The following FBXO3 variants were observed in gnomAD, a reference collection of about 807,000 sequenced individuals.
FBXO3 encodes the protein F-box only protein 3.
A neutral mutation model predicts 64.8 loss-of-function variants in FBXO3; 17 were observed. The ratio of observed to expected loss-of-function variants is 0.26; its 90% CI spans 0.18 to 0.39. The LOEUF (loss-of-function observed/expected upper bound fraction) is 0.39. FBXO3 is among the 10% of genes least tolerant of loss of function. The probability of loss-of-function intolerance (pLI) is 1.00; values close to 1 mark genes in which losing one functional copy is unlikely to be tolerated. For missense variants in FBXO3, 420 were observed against 589.9 expected, an observed-to-expected ratio of 0.71 and a Z score of 2.98; for synonymous variants, 182 against 201.6, an observed-to-expected ratio of 0.90 and a Z score of 0.82.
intron 3 of FBXO3, among the ~76,000 whole-genome samples, chr11:33,761,474 A>C (rs1404695545): frequency 6.6e-6 from 1 of 152,248 alleles, no homozygotes. Context: ...AAAAAGGTTA[A>C]ATTCACTACA....
intron 6 of FBXO3, among the ~76,000 whole-genome samples, chr11:33,752,723 TATAA>T (rs1469469566): frequency 6.6e-6 from 1 of 152,186 alleles, no homozygotes. Context: ...TAAGAAGTTA[TATAA>T]ATAATGTCAT....
chr11:33,757,833 G>A (rs895131365), intron 4 of FBXO3, among the ~76,000 whole-genome samples: 9 of 151,422 alleles, frequency 5.9e-5, no homozygotes, highest in South Asian at 2.1e-4. Context: ...TGGTGCGCCT[G>A]TACTTCTAGC....
intron 3 of FBXO3, among the ~76,000 whole-genome samples, chr11:33,764,974 A>AAAAC (rs1017723208): frequency 6.6e-6 from 1 of 152,180 alleles, no homozygotes; most frequent in Non-Finnish European, 1.5e-5. Context: ...AACAAAAGCA[A>AAAAC]AAACAAACAA....
At chr11:33,762,599 A>T (rs528965174) in intron 3 of FBXO3, among the ~76,000 whole-genome samples, 21 of 152,246 alleles carry the variant, frequency 1.4e-4, no homozygotes, top group African/African-American at 4.8e-4. Flanking sequence ...CTGCATGGTA[A>T]TGAAAATACA....
At chr11:33,755,056 G>A (rs1488819355) in intron 5 of FBXO3, among the ~76,000 whole-genome samples, 1 of 151,578 alleles carries the variant, frequency 6.6e-6, no homozygotes, top group Admixed American at 6.6e-5. Context: ...TTTTTCAGTA[G>A]AGGTGGGGTT....
chr11:33,766,314 T>C (rs942304813), intron 3 of FBXO3, among the ~76,000 whole-genome samples: 1 of 152,242 alleles, frequency 6.6e-6, no homozygotes, highest in Non-Finnish European at 1.5e-5. Context: ...TTCAACTTAC[T>C]AGCATAAATC....
intron 9 of FBXO3, among the ~76,000 whole-genome samples, chr11:33,748,189 G>A (rs1263685948): frequency 6.6e-6 from 1 of 151,986 alleles, no homozygotes; most frequent in Non-Finnish European, 1.5e-5. Context: ...AAAAATTCCT[G>A]GACTGAAGCC....
intron 3 of FBXO3, among the ~76,000 whole-genome samples, chr11:33,765,339 C>T (rs915087549): frequency 1.3e-5 from 2 of 151,930 alleles, no homozygotes; most frequent in African/African-American, 2.4e-5. Context: ...ATAAAAGAAA[C>T]GAAGCTGAAT....
intron 10 of FBXO3, chr11:33,744,244 A>G (rs1004415678): frequency 6.6e-6 from 1 of 152,170 alleles, no homozygotes; most frequent in Admixed American, 6.5e-5. Context: ...TATCTTAATG[A>G]AGAAGAAAAC....
At chr11:33,764,643 C>G (rs775744056) in intron 3 of FBXO3, among the ~76,000 whole-genome samples, 46 of 152,146 alleles carry the variant, frequency 3.0e-4, no homozygotes, top group African/African-American at 1.1e-3. Flanking sequence ...TACTTTTGCA[C>G]TAACCTAATA....
At chr11:33,749,286 T>TACA (rs1324524216) in intron 8 of FBXO3, among the ~76,000 whole-genome samples, 8 of 152,042 alleles carry the variant, frequency 5.3e-5, no homozygotes, top group African/African-American at 1.7e-4. Flanking sequence ...CATGAGACTA[T>TACA]ACAACCCATT....
At chr11:33,754,430 G>A (rs1229880028) in intron 6 of FBXO3, 25 bp downstream of exon 6, 15 of 1,557,800 alleles carry the variant, frequency 9.6e-6, no homozygotes, top group Non-Finnish European at 1.2e-5. Flanking sequence ...GAAGAAGGGG[G>A]AAAAAAGACT....
chr11:33,773,319 T>C (rs571018308), intron 1 of FBXO3: 1 of 152,344 alleles, frequency 6.6e-6, no homozygotes, highest in Non-Finnish European at 1.5e-5. Context: ...TAGCGACCAG[T>C]ACAGGTAGTG....
chr11:33,773,356 C>A (rs1015059379), intron 1 of FBXO3: 1 of 152,258 alleles, frequency 6.6e-6, no homozygotes, highest in African/African-American at 2.4e-5. Context: ...ATCTCTCTAT[C>A]ACCACTTAGC....
In FBXO3 at chr11:33,771,102, T is replaced by C. The variant is rs144431367; in HGVS notation, c.105-272A>G. On this transcript the variant is annotated intron_variant, in intron 1 of 10. Coordinates refer to ENST00000265651, the MANE Select transcript of FBXO3 (RefSeq NM_012175.4). ...AAATATCTACAGACCATATATGCCA[T>C]TGGAGTTAATCTCAAGTCAAGGAGT... The C allele has an allele frequency of 2.6e-4, 69 of 266,824 alleles. 1 individual carries two copies. In the East Asian group the frequency reaches 4.7e-3, roughly 18 times the overall value. The allele number at this position is 266,824 out of a possible 1,614,324, so 16.5% of individuals were successfully genotyped here. A position where few individuals can be genotyped will look rare whatever the true frequency, so the allele number is the denominator to read the frequency against.
Position 33,774,503 on chromosome 11 carries a change from C to T in FBXO3, c.-6G>A, listed in dbSNP as rs779892761. 1.1e-5 allele frequency: 17 copies of T among 1,539,016 alleles called. No individual in the cohort carries two copies. In the South Asian group the frequency reaches 2.1e-4, roughly 19 times the overall value. On this transcript the variant is annotated 5_prime_UTR_variant, in exon 1 of 11. Transcript: ENST00000265651. Reference sequence around the variant, plus strand: ...TCGGTCTCCATGGCCGCCATCTTGCCTGGCCCGGTGCAGGTCTGGCCCCGC... The same window carrying T: ...TCGGTCTCCATGGCCGCCATCTTGCTTGGCCCGGTGCAGGTCTGGCCCCGC...
At position 33,742,120 on chromosome 11, in the gene FBXO3, A is replaced by G. The variant is rs891962352; in HGVS notation, c.1240-36T>C. 6 of 1,475,044 alleles carry G rather than the reference A, an allele frequency of 4.1e-6. No homozygotes were observed. The African/African-American group carries it at 5.7e-5, about 14-fold the overall frequency. 91.4% of individuals were successfully genotyped at this position (1,475,044 alleles called of 1,614,324 possible). ...AAAACAATCTTTTGATAAGAAGAGC[A>G]TCTATCAGTTTTTTAGTTATTTCAT... On this transcript the variant is annotated intron_variant, in intron 10 of 10. Transcript: ENST00000265651.
intron 3 of FBXO3, among the ~76,000 whole-genome samples, chr11:33,767,835 T>C (rs748256220): frequency 2.0e-5 from 3 of 152,188 alleles, no homozygotes; most frequent in Non-Finnish European, 4.4e-5. Flanking sequence ...ACCAAGTAAA[T>C]AGTATTATTC....
In FBXO3 at chr11:33,769,031, C is replaced by T. The variant is rs1855444104; in HGVS notation, c.195-17G>A. Reference sequence around the variant, plus strand: ...TTCTCTTCCCTAAATAGATGAAAAACATGAGATTTTAAATCTTTTAAAATA... The same window carrying T: ...TTCTCTTCCCTAAATAGATGAAAAATATGAGATTTTAAATCTTTTAAAATA... On this transcript the variant is annotated splice_polypyrimidine_tract_variant and intron_variant, in intron 2 of 10. Coordinates refer to ENST00000265651, the MANE Select transcript of FBXO3 (RefSeq NM_012175.4). 1.3e-6 allele frequency: 2 copies of T among 1,580,298 alleles called. No individual in the cohort carries two copies. The highest frequency in any genetic ancestry group is 1.9e-5 in the Admixed American group (1 of 51,954).
Sources: allele counts gnomAD v4.1 joint callset (sites outside exome capture counted in the v4.1 genomes callset), GRCh38; gene constraint gnomAD v4.1.1; transcripts MANE v1.5; gene names NCBI Gene and HGNC (gene_info 2026-07-23, HGNC 2026-07-21).